The following NCAM1 variants were observed in gnomAD, a reference collection of about 807,000 sequenced individuals.
NCAM1 encodes antigen recognized by monoclonal antibody 5.1H11.
A neutral mutation model predicts 109.8 loss-of-function variants in NCAM1; 14 were observed. The ratio of observed to expected loss-of-function variants is 0.13; its 90% confidence interval spans 0.08 to 0.20. The LOEUF is 0.20. Ranked by LOEUF, NCAM1 falls within the 10% of genes least tolerant of loss-of-function variation. NCAM1 has a pLI of 1.00. For missense variants in NCAM1, 774 were observed against 1,109.9 expected, an observed-to-expected ratio of 0.70 and a Z score of 4.30; for synonymous variants, 418 against 442.9, an observed-to-expected ratio of 0.94 and a Z score of 0.70.
intron 1 of NCAM1, among the ~76,000 whole-genome samples, chr11:113,139,958 T>TA (rs1294156121): frequency 2.6e-5 from 4 of 152,200 alleles, no homozygotes; most frequent in Non-Finnish European, 4.4e-5. Context: ...TGTAACATCT[T>TA]AGAGTTAGAA....
At chr11:113,157,899 G>A (rs1272221772) in intron 1 of NCAM1, among the ~76,000 whole-genome samples, 1 of 151,860 alleles carries the variant, frequency 6.6e-6, no homozygotes, top group Non-Finnish European at 1.5e-5. Flanking sequence ...AGAAAATCCA[G>A]CCTCACACAG....
chr11:113,163,674 G>A (rs782180482), intron 1 of NCAM1, among the ~76,000 whole-genome samples: 13 of 152,148 alleles, frequency 8.5e-5, no homozygotes, highest in African/African-American at 1.2e-4. Flanking sequence ...GTTGAGGAGC[G>A]TTCTGCTTGT....
intron 17 of NCAM1, chr11:113,262,759 C>G: frequency 2.1e-6 from 3 of 1,452,372 alleles, no homozygotes; most frequent in Non-Finnish European, 2.8e-6. Context: ...CACTTGTCAC[C>G]TTGGACGTCA....
intron 8 of NCAM1, among the ~76,000 whole-genome samples, chr11:113,220,602 CTTTTTTTTTT>C (rs1175342641): frequency 4.2e-4 from 32 of 75,594 alleles, no homozygotes; most frequent in African/African-American, 1.9e-3. Flanking sequence ...CTCTCTCTCT[CTTTTTTTTTT>C]TTTTTTTTTT....
intron 1 of NCAM1, among the ~76,000 whole-genome samples, chr11:113,134,515 T>C (rs781794631): frequency 6.6e-5 from 10 of 152,180 alleles, no homozygotes; most frequent in Non-Finnish European, 1.3e-4. Context: ...AAGTCAATTT[T>C]CACTGTCTCT....
chr11:113,232,627 GT>G lies in NCAM1; in HGVS notation c.1426-85del, dbSNP rs1313515962. 8.1e-6 allele frequency: 9 copies of G among 1,110,938 alleles called. No individual in the cohort carries two copies. The African/African-American group carries it at 1.4e-4, about 17-fold the overall frequency. 68.8% of individuals were successfully genotyped at this position (1,110,938 alleles called of 1,614,324 possible). ...TAATGATTTATACTTTACTAGTTCT[GT>G]TTTTTACTAACTTAATTCAGTAAAT... On this transcript the variant is annotated intron_variant, in intron 11 of 19. Transcript: ENST00000316851.
At chr11:113,113,602 TG>T (rs782388065) in intron 1 of NCAM1, among the ~76,000 whole-genome samples, 14 of 152,196 alleles carry the variant, frequency 9.2e-5, no homozygotes, top group Non-Finnish European at 2.9e-5. Flanking sequence ...TGTGGACTGG[TG>T]GGTTCCATCT....
chr11:113,270,253 G>A lies in NCAM1; in HGVS notation c.2197G>A (p.Val733Ile), dbSNP rs375678263. 5.3e-5 allele frequency: 86 copies of A among 1,613,896 alleles called. 1 individual carries two copies. The highest frequency in any genetic ancestry group is 6.7e-5 in the East Asian group (3 of 44,884). ...AIVGILIVIF[V>I]LLLVVVDITC... Reference sequence around the variant, plus strand: ...CGTGGGCATCCTCATCGTCATCTTCGTCCTGCTCCTGGTGGTTGTGGACAT... The same window carrying A: ...CGTGGGCATCCTCATCGTCATCTTCATCCTGCTCCTGGTGGTTGTGGACAT... The change falls in exon 18 of 20, where the codon GTC becomes ATC. Residue 733 changes from valine to isoleucine, a missense_variant. By Grantham distance (29) the Val-to-Ile change is conservative (BLOSUM62 3). Transcript: ENST00000316851.
At chr11:113,231,260 C>G (rs1555117144) in intron 9 of NCAM1, 13 of 1,536,068 alleles carry the variant, frequency 8.5e-6, no homozygotes, top group South Asian at 1.2e-5. Context: ...GCAGGTTTCC[C>G]AGGATCTCAT....
chr11:113,099,765 T>G (rs552930156), intron 1 of NCAM1, among the ~76,000 whole-genome samples: 119 of 152,276 alleles, frequency 7.8e-4, no homozygotes, highest in Non-Finnish European at 1.4e-3. Context: ...CTCAGCTCAC[T>G]GCGACCTCCG....
chr11:113,256,997 G>A (rs1945850371), intron 16 of NCAM1, among the ~76,000 whole-genome samples: 1 of 152,212 alleles, frequency 6.6e-6, no homozygotes, highest in Admixed American at 6.5e-5. Flanking sequence ...TAACTAGCTA[G>A]TCTTCTGGCA....
chr11:113,234,757 GC>G (rs1400448717), intron 13 of NCAM1, among the ~76,000 whole-genome samples: 1 of 152,150 alleles, frequency 6.6e-6, no homozygotes, highest in Non-Finnish European at 1.5e-5. Context: ...AACATGGGTA[GC>G]CCAGGTATCT....
rs1028527490 is a variant in NCAM1 at position 113,214,993 on chromosome 11, G to T, written c.1059+482G>T. Among the ~76,000 whole-genome samples, 10 of 152,274 alleles carry T rather than the reference G, an allele frequency of 6.6e-5. 1 individual carries two copies. In the South Asian group the frequency reaches 2.1e-3, roughly 32 times the overall value. The stretch of plus-strand genomic sequence containing the variant: ...TGCACAAATGCCTGGTTGCCATTGT[G>T]TCTGCCTGTATTCTTGGTCACATTT... On this transcript the variant is annotated intron_variant, in intron 8 of 19. Coordinates refer to ENST00000316851, the MANE Select transcript of NCAM1 (RefSeq NM_181351.5).
At chr11:113,173,002 G>C (rs1357090073) in intron 1 of NCAM1, among the ~76,000 whole-genome samples, 1 of 152,172 alleles carries the variant, frequency 6.6e-6, no homozygotes, top group African/African-American at 2.4e-5. Flanking sequence ...GGCAGCTCCA[G>C]CCTCCACACA....
chr11:113,053,824 CTGGAAGTCCCTGGGGGCTTG>C (rs1352310794), intron 1 of NCAM1, among the ~76,000 whole-genome samples: 1 of 152,208 alleles, frequency 6.6e-6, no homozygotes, highest in Admixed American at 6.5e-5. Flanking sequence ...CCCTCAGTCC[CTGGAAGTCCCTGGGGGCTTG>C]TGAATGTCCC....
chr11:113,245,702 G>A (rs1236419261), intron 14 of NCAM1, among the ~76,000 whole-genome samples: 1 of 152,106 alleles, frequency 6.6e-6, no homozygotes, highest in African/African-American at 2.4e-5. Context: ...ACCATCTCTG[G>A]CATGCATCCA....
intron 1 of NCAM1, among the ~76,000 whole-genome samples, chr11:112,973,093 C>CA (rs1412761658): frequency 6.6e-6 from 1 of 152,158 alleles, no homozygotes; most frequent in Non-Finnish European, 1.5e-5. Flanking sequence ...CTTCTTACCT[C>CA]ATTGCCTGTG....
In NCAM1 at chr11:113,273,225, A is replaced by G; in HGVS notation, c.2456+1349A>G. 2.9e-6 allele frequency: 1 copy of G among 343,544 alleles called. No homozygotes were observed. Among genetic ancestry groups the G allele is most frequent in the South Asian group, 2.1e-5 (1 of 47,992 alleles). 21.3% of individuals were successfully genotyped at this position (343,544 alleles called of 1,614,324 possible). ...CCTCGTTGACCTGAGCGACACCCCGACCTCAACCCCTGCCGCTAGCAATTT... is the reference window on the plus strand; with the variant it reads ...CCTCGTTGACCTGAGCGACACCCCGGCCTCAACCCCTGCCGCTAGCAATTT... On this transcript the variant is annotated intron_variant, in intron 19 of 19. Coordinates refer to ENST00000316851, the MANE Select transcript of NCAM1 (RefSeq NM_181351.5). The surrounding 1 kb of genome is among the most constrained non-coding windows in gnomAD (Gnocchi z 6.0).
chr11:113,256,256 T>G (rs1945831882), intron 16 of NCAM1, among the ~76,000 whole-genome samples: 1 of 152,182 alleles, frequency 6.6e-6, no homozygotes, highest in African/African-American at 2.4e-5. Flanking sequence ...CATGGTTGAT[T>G]TTTCTGTGTC....
Sources: gnomAD v4.1 joint callset for allele counts (sites outside exome capture counted in the v4.1 genomes callset) on GRCh38, gnomAD v4.1.1 for gene constraint, Gnocchi (gnomAD v3.1) non-coding constraint, MANE v1.5 for transcripts, NCBI Gene and HGNC (gene_info 2026-07-23, HGNC 2026-07-21) for gene names.